The following PPARGC1A variants were observed in gnomAD, a reference collection of about 807,000 sequenced individuals.
The protein encoded by PPARGC1A is PPARG coactivator 1 alpha, also known as peroxisome proliferator-activated receptor gamma coactivator 1-alpha.
PPARGC1A carries 25 observed loss-of-function variants against 88.7 expected under a neutral mutation model. That is an observed-to-expected ratio of 0.28 (90% CI 0.21 to 0.39). The LOEUF is 0.39. Among genes scored for constraint, PPARGC1A ranks in the 10% least tolerant of loss-of-function variants. The pLI is 1.00. For missense variants in PPARGC1A, 880 were observed against 968.7 expected (o/e 0.91, Z 1.22); for synonymous variants, 363 against 355.6 (o/e 1.02, Z -0.24).
chr4:24,472,099 C>G, the PPARGC1A span, among the ~76,000 whole-genome samples: 1 of 152,186 alleles, frequency 6.6e-6, no homozygotes, highest in African/African-American at 2.4e-5. The surrounding 1 kb of genome is among the most constrained non-coding windows in gnomAD (Gnocchi z 4.5). Flanking sequence ...CTGCCTCTTT[C>G]TCGGGTTCCC....
the PPARGC1A span, among the ~76,000 whole-genome samples, chr4:24,254,082 T>C: frequency 2.6e-5 from 4 of 152,218 alleles, no homozygotes; most frequent in Non-Finnish European, 4.4e-5. Context: ...AGTCTACTTA[T>C]TTGTTCTTAC....
the PPARGC1A span, among the ~76,000 whole-genome samples, chr4:23,969,084 G>A: frequency 4.9e-4 from 75 of 152,226 alleles, no homozygotes; most frequent in African/African-American, 1.5e-3. Flanking sequence ...TTTTCCTGAC[G>A]AGAGCTCTGT....
chr4:24,104,323 T>C, the PPARGC1A span, among the ~76,000 whole-genome samples: 1 of 152,146 alleles, frequency 6.6e-6, no homozygotes, highest in Non-Finnish European at 1.5e-5. Context: ...TTAAGAGAGA[T>C]CTGTGCAGGT....
At chr4:24,045,560 G>A in the PPARGC1A span, among the ~76,000 whole-genome samples, 10 of 152,056 alleles carry the variant, frequency 6.6e-5, no homozygotes, top group African/African-American at 2.4e-4. Context: ...AATCCTTGGT[G>A]CGCTACTTGG....
intron 2 of PPARGC1A, among the ~76,000 whole-genome samples, chr4:23,834,704 G>C (rs1210571677): frequency 6.6e-6 from 1 of 152,072 alleles, no homozygotes; most frequent in African/African-American, 2.4e-5. Context: ...AAAGGACCCT[G>C]TATATGTAAT....
chr4:24,165,830 C>A, the PPARGC1A span, among the ~76,000 whole-genome samples: 2 of 152,106 alleles, frequency 1.3e-5, no homozygotes, highest in Non-Finnish European at 2.9e-5. Context: ...TCTCCTCAGG[C>A]CTCCCTATTC....
At chr4:24,329,010 C>T in the PPARGC1A span, among the ~76,000 whole-genome samples, 1 of 152,208 alleles carries the variant, frequency 6.6e-6, no homozygotes, top group African/African-American at 2.4e-5. Context: ...GCTTAGCAGG[C>T]ACAGCTGACC....
At chr4:24,218,002 T>C in the PPARGC1A span, among the ~76,000 whole-genome samples, 6 of 152,108 alleles carry the variant, frequency 3.9e-5, no homozygotes, top group Admixed American at 3.3e-4. Flanking sequence ...ATAAATGACA[T>C]ATTCCAAAAA....
At chr4:24,042,158 T>C in the PPARGC1A span, among the ~76,000 whole-genome samples, 1 of 152,190 alleles carries the variant, frequency 6.6e-6, no homozygotes, top group African/African-American at 2.4e-5. Context: ...AAGAGATTTC[T>C]TAAAGTTCTA....
the PPARGC1A span, among the ~76,000 whole-genome samples, chr4:24,457,331 G>A: frequency 6.6e-6 from 1 of 152,118 alleles, no homozygotes; most frequent in African/African-American, 2.4e-5. Context: ...GAAAGAAAGA[G>A]GGGCAAGCCA....
the PPARGC1A span, among the ~76,000 whole-genome samples, chr4:24,399,362 G>T: frequency 3.3e-5 from 5 of 152,072 alleles, no homozygotes; most frequent in Non-Finnish European, 7.4e-5. Context: ...TTTATAATGA[G>T]AAAAAAGTAT....
At chr4:24,209,110 T>C in the PPARGC1A span, among the ~76,000 whole-genome samples, 1 of 152,128 alleles carries the variant, frequency 6.6e-6, no homozygotes, top group African/African-American at 2.4e-5. Flanking sequence ...TAAAATCAGA[T>C]GTGATATGCA....
At chr4:23,972,511 GCTTA>G in the PPARGC1A span, among the ~76,000 whole-genome samples, 2 of 152,236 alleles carry the variant, frequency 1.3e-5, no homozygotes, top group African/African-American at 4.8e-5. Context: ...ATATACATGT[GCTTA>G]CTTTTCAGAC....
chr4:24,439,612 T>G, the PPARGC1A span, among the ~76,000 whole-genome samples: 1 of 152,282 alleles, frequency 6.6e-6, no homozygotes, highest in African/African-American at 2.4e-5. Context: ...TACCAGCAAC[T>G]GCTTTCACGT....
At chr4:24,260,624 G>T in the PPARGC1A span, among the ~76,000 whole-genome samples, 1 of 152,128 alleles carries the variant, frequency 6.6e-6, no homozygotes, top group Non-Finnish European at 1.5e-5. Context: ...ATTCTGGAGG[G>T]CAGAGTCGTG....
chr4:24,040,725 A>G, the PPARGC1A span, among the ~76,000 whole-genome samples: 1 of 152,190 alleles, frequency 6.6e-6, no homozygotes, highest in Non-Finnish European at 1.5e-5. Context: ...ATATAGTGCA[A>G]CCATAGTTTT....
the PPARGC1A span, among the ~76,000 whole-genome samples, chr4:24,450,989 G>T: frequency 1.3e-5 from 2 of 152,164 alleles, no homozygotes; most frequent in African/African-American, 4.8e-5. Context: ...TTCTGAGTCT[G>T]CTCAAAGACA....
the PPARGC1A span, among the ~76,000 whole-genome samples, chr4:24,312,303 C>T: frequency 6.6e-6 from 1 of 152,186 alleles, no homozygotes; most frequent in African/African-American, 2.4e-5. Context: ...ACCAAACGCA[C>T]TTGTGGCTTG....
chr4:24,170,839 T>G, the PPARGC1A span, among the ~76,000 whole-genome samples: 9 of 152,152 alleles, frequency 5.9e-5, no homozygotes, highest in Non-Finnish European at 1.3e-4. Flanking sequence ...GACAAGAACC[T>G]CAATATCTTG....
Sources: allele counts gnomAD v4.1 joint callset (sites outside exome capture counted in the v4.1 genomes callset), GRCh38; gene constraint gnomAD v4.1.1; non-coding constraint Gnocchi (gnomAD v3.1); transcripts MANE v1.5; gene names NCBI Gene and HGNC (gene_info 2026-07-23, HGNC 2026-07-21).